The following TNNC2 variants were observed in gnomAD, a reference collection of about 807,000 sequenced individuals.
TNNC2 encodes the protein troponin C, skeletal muscle.
A neutral mutation model predicts 20.0 loss-of-function variants in TNNC2; 14 were observed. That is an observed-to-expected ratio of 0.70 (90% CI 0.46 to 1.09). The LOEUF is 1.09. Among genes scored for constraint, TNNC2 ranks in the 50% least tolerant of loss-of-function variants. The pLI, the probability that TNNC2 is intolerant of heterozygous loss-of-function variation, is 0.00. For synonymous variants in TNNC2, 81 were observed against 77.3 expected (o/e 1.05, Z -0.25); for missense variants, 163 against 223.8 (o/e 0.73, Z 1.73).
chr20:45,824,216 A>C (rs1601054393), intron 4 of TNNC2, 76 bp downstream of exon 4: 1 of 1,598,554 alleles, frequency 6.3e-7, no homozygotes, highest in Non-Finnish European at 8.5e-7. Context: ...CACTCCCAAC[A>C]CGGGGAAGCT....
chr20:45,824,344 C>A lies in TNNC2; in HGVS notation c.262G>T (p.Ala88Ser), dbSNP rs750069128. Residue 88 changes from alanine (A) to serine (S), a missense_variant, in exon 4 of 6, where the codon GCG (alanine) becomes TCG (serine). Transcript: ENST00000372555. ...AGCTCCTCCTCGCTCTTCCCTTTCG[C>A]GTCCTCTTTCATCTGGCGCACCATC... ...VMMVRQMKED[A>S]KGKSEEELAE... is the part of the protein sequence containing the mutation. 2 of 1,611,292 alleles carry A rather than the reference C, an allele frequency of 1.2e-6. No individual in the cohort carries two copies. The highest frequency in any genetic ancestry group is 1.7e-6 in the Non-Finnish European group (2 of 1,179,994).
chr20:45,827,950 G>A (rs1248946726), upstream of TNNC2, among the ~76,000 whole-genome samples: 3 of 152,192 alleles, frequency 2.0e-5, no homozygotes, highest in South Asian at 2.1e-4. Context: ...ACCCCATGAC[G>A]TGCCACACAC....
At chr20:45,831,065 G>A (rs924246211), upstream of TNNC2, among the ~76,000 whole-genome samples, 4 of 152,142 alleles carry the variant, frequency 2.6e-5, no homozygotes, top group African/African-American at 7.2e-5. Context: ...GAGGTAGGAG[G>A]ATCTCTTCAG....
intron 1 of TNNC2, 52 bp downstream of exon 1, chr20:45,827,194 G>A (rs1982993871): frequency 6.2e-7 from 1 of 1,612,852 alleles, no homozygotes. Flanking sequence ...GGCCTGAAAG[G>A]GGTCCAGAGT....
chr20:45,826,015 C>CAA (rs1418724514), intron 1 of TNNC2, among the ~76,000 whole-genome samples: 1 of 148,450 alleles, frequency 6.7e-6, no homozygotes, highest in African/African-American at 2.5e-5. Flanking sequence ...ACCCCCCCCA[C>CAA]CCCCCAGTGA....
In TNNC2 at chr20:45,823,423, C is replaced by G. The variant is rs561748801; in HGVS notation, c.452-44G>C. The stretch of plus-strand genomic sequence containing the variant: ...AGAGGGTCAGGGGTCCCACTGGGGA[C>G]GCAGAGGCCAGGCCAGGGCTCCAGC... On this transcript the variant is annotated intron_variant, in intron 5 of 5. Transcript: ENST00000372555. The surrounding 1 kb of genome is among the most constrained non-coding windows in gnomAD (Gnocchi z 4.6). 9.7e-4 allele frequency: 1,528 copies of G among 1,568,652 alleles called. 22 individuals are homozygous for G. The South Asian group carries it at 0.017, about 17-fold the overall frequency.
chr20:45,830,477 C>A (rs1003008973), upstream of TNNC2, among the ~76,000 whole-genome samples: 4 of 152,030 alleles, frequency 2.6e-5, no homozygotes, highest in Non-Finnish European at 4.4e-5. Flanking sequence ...TCTTTCTAAG[C>A]TCTAACATCA....
Position 45,824,113 on chromosome 20 carries a change from T to C in TNNC2, c.329A>G (p.Tyr110Cys), listed in dbSNP as rs1300975257. The change falls in exon 5 of 6, where the codon TAC becomes TGC. Residue 110 changes from tyrosine to cysteine, a missense_variant. Coordinates refer to ENST00000372555, the MANE Select transcript of TNNC2 (RefSeq NM_003279.3). ...FRIFDRNADG[Y>C]IDPEELAEIF... ...CTCAGCCAGCTCCTCCGGGTCGATG[T>C]AGCCGTCTGCATTCCTTCAGGTCCG... The C allele has an allele frequency of 6.2e-7, 1 of 1,613,884 alleles. No homozygotes were observed. The highest frequency in any genetic ancestry group is 2.2e-5 in the East Asian group (1 of 44,870).
upstream of TNNC2, among the ~76,000 whole-genome samples, chr20:45,828,297 C>A (rs1015154725): frequency 4.0e-5 from 6 of 151,420 alleles, no homozygotes; most frequent in African/African-American, 1.5e-4. Flanking sequence ...CTTGGTTTCC[C>A]AAAGTGCTAG....
intron 1 of TNNC2, 129 bp downstream of exon 1, chr20:45,827,117 G>A: frequency 2.5e-6 from 3 of 1,197,048 alleles, no homozygotes; most frequent in Non-Finnish European, 3.7e-6. Context: ...AAGACACCTG[G>A]GTTCCAGGAA....
At position 45,823,970 on chromosome 20, in the gene TNNC2, C is replaced by T. The variant is rs764214103; in HGVS notation, c.451+21G>A. The T allele has an allele frequency of 1.9e-6, 3 of 1,613,702 alleles. No homozygotes were observed. The African/African-American group carries it at 4.0e-5, about 22-fold the overall frequency. On this transcript the variant is annotated intron_variant, in intron 5 of 5. Coordinates refer to ENST00000372555, the MANE Select transcript of TNNC2 (RefSeq NM_003279.3). This position sits in a 1 kb window ranked among gnomAD's most constrained non-coding sequence, Gnocchi z 4.6. ...CTCTGGGGCTCCCACCCGCTCTTCCCAAGCTCCCGTTGGCCCTCACCGTCG... is the reference window on the plus strand; with the variant it reads ...CTCTGGGGCTCCCACCCGCTCTTCCTAAGCTCCCGTTGGCCCTCACCGTCG...
chr20:45,827,468 C>A, upstream of TNNC2: 1 of 588,078 alleles, frequency 1.7e-6, no homozygotes, highest in Non-Finnish European at 3.0e-6. Flanking sequence ...AGCCAAGGGC[C>A]CTTGCAGAGA....
At chr20:45,829,930 G>T (rs969206752), upstream of TNNC2, among the ~76,000 whole-genome samples, 1 of 151,860 alleles carries the variant, frequency 6.6e-6, no homozygotes, top group African/African-American at 2.4e-5. Context: ...TTATTCAAGG[G>T]ATTAGGTAAG....
chr20:45,824,643 G>A lies in TNNC2; in HGVS notation c.56-5C>T, dbSNP rs1277904228. On this transcript the variant is annotated splice_region_variant and splice_polypyrimidine_tract_variant and intron_variant, in intron 2 of 5. Transcript: ENST00000372555. ...TGTCAAAGGCAGCCTTGAACTCTGC[G>A]AGGGAGGGCAGAGGGCAGAGGTGAG... The A allele has an allele frequency of 7.5e-6, 12 of 1,608,444 alleles. No homozygotes were observed. The highest frequency in any genetic ancestry group is 2.7e-5 in the African/African-American group (2 of 74,874).
chr20:45,824,279 G>GC lies in TNNC2; in HGVS notation c.314+12dup. 6.2e-7 allele frequency: 1 copy of GC among 1,608,646 alleles called. No individual in the cohort carries two copies. The highest frequency in any genetic ancestry group is 1.1e-5 in the South Asian group (1 of 91,054). ...GCTAAGCCCCTCCCTCGGCTCCCGG[G>GC]CCCCCAGCGCACCTGTCGAAGATGC... On this transcript the variant is annotated intron_variant, in intron 4 of 5. Transcript: ENST00000372555.
intron 1 of TNNC2, 45 bp downstream of exon 1, chr20:45,827,201 G>C: frequency 6.2e-7 from 1 of 1,613,998 alleles, no homozygotes; most frequent in East Asian, 2.2e-5. Flanking sequence ...AAGGGGTCCA[G>C]AGTGCTCCCG....
Position 45,823,934 on chromosome 20 carries a change from T to C in TNNC2, c.451+57A>G, listed in dbSNP as rs1795200915. The C allele has an allele frequency of 6.2e-7, 1 of 1,608,802 alleles. No homozygotes were observed. Among genetic ancestry groups the C allele is most frequent in the East Asian group, 2.2e-5 (1 of 44,792 alleles). Reference sequence around the variant, plus strand: ...ACACTGCACCGGAGCCAGGCACCAGTGCCCGCCGTCCTCTGGGGCTCCCAC... The same window carrying C: ...ACACTGCACCGGAGCCAGGCACCAGCGCCCGCCGTCCTCTGGGGCTCCCAC... On this transcript the variant is annotated intron_variant, in intron 5 of 5. Transcript: ENST00000372555. This position sits in a 1 kb window ranked among gnomAD's most constrained non-coding sequence, Gnocchi z 4.6.
At position 45,823,682 on chromosome 20, in the gene TNNC2, A is replaced by C. The variant is rs1411570255; in HGVS notation, c.452-303T>G. The stretch of plus-strand genomic sequence containing the variant: ...ATTTTATTTTATTTTTTGTAAAGAC[A>C]GGGTCTCACTATGTTGCCCAGGCTG... On this transcript the variant is annotated intron_variant, in intron 5 of 5. Coordinates refer to ENST00000372555, the MANE Select transcript of TNNC2 (RefSeq NM_003279.3). This position sits in a 1 kb window ranked among gnomAD's most constrained non-coding sequence, Gnocchi z 4.6. Among the ~76,000 whole-genome samples the C allele has an allele frequency of 6.6e-6, 1 of 151,934 alleles. No homozygotes were observed. The highest frequency in any genetic ancestry group is 1.5e-5 in the Non-Finnish European group (1 of 67,972).
At chr20:45,825,446 C>T (rs1191740850) in intron 1 of TNNC2, among the ~76,000 whole-genome samples, 2 of 147,892 alleles carry the variant, frequency 1.4e-5, no homozygotes, top group African/African-American at 5.0e-5. Context: ...CATGCGCCAA[C>T]ACGCCCAGCT....
Sources: gnomAD v4.1 joint callset for allele counts (sites outside exome capture counted in the v4.1 genomes callset) on GRCh38, gnomAD v4.1.1 for gene constraint, Gnocchi (gnomAD v3.1) non-coding constraint, MANE v1.5 for transcripts, NCBI Gene and HGNC (gene_info 2026-07-23, HGNC 2026-07-21) for gene names.